Variants in FHIT observed in about 807,000 individuals in gnomAD.
FHIT encodes the protein bis(5'-adenosyl)-triphosphatase.
In FHIT, 19 loss-of-function variants were observed where a neutral mutation model predicts 17.9. The observed-to-expected ratio is 1.06, with a 90% CI of 0.74 to 1.56. The LOEUF (loss-of-function observed/expected upper bound fraction) is 1.56. FHIT is among the 40% of genes most tolerant of loss of function. The pLI is 0.00. For missense variants in FHIT, 248 were observed against 189.2 expected (o/e 1.31, Z -1.82); for synonymous variants, 81 against 69.7 (o/e 1.16, Z -0.81).
rs576881152 is a variant in FHIT, at chr3:60,226,572, A to G, written c.104-212420T>C. On this transcript the variant is annotated intron_variant, in intron 5 of 9. Coordinates refer to ENST00000492590, the MANE Select transcript of FHIT (RefSeq NM_002012.4). The stretch of plus-strand genomic sequence containing the variant: ...TAAGCCTTTACTGTTGCTGCACACA[A>G]TGATTGCAGGATTAAAGCACTTTGG... Among the ~76,000 whole-genome samples, 8 of 152,092 alleles carry G rather than the reference A, an allele frequency of 5.3e-5. No individual in the cohort carries two copies. The South Asian group carries it at 1.7e-3, about 32-fold the overall frequency.
intron 5 of FHIT, among the ~76,000 whole-genome samples, chr3:60,329,638 G>C (rs925660641): frequency 6.6e-6 from 1 of 152,274 alleles, no homozygotes. Flanking sequence ...GCCAAGCACC[G>C]TAAGACTCTA....
chr3:60,196,167 G>A (rs760112575), intron 5 of FHIT, among the ~76,000 whole-genome samples: 11 of 152,118 alleles, frequency 7.2e-5, no homozygotes, highest in African/African-American at 1.2e-4. Context: ...TTATCCTATC[G>A]TTTTGGAAGT....
At chr3:60,651,820 A>G (rs888711535) in intron 4 of FHIT, among the ~76,000 whole-genome samples, 30 of 152,234 alleles carry the variant, frequency 2.0e-4, no homozygotes, top group African/African-American at 7.2e-4. Flanking sequence ...CATGTGGCAT[A>G]TAAAAATCAC....
At chr3:60,406,796 G>A (rs1701878301) in intron 5 of FHIT, among the ~76,000 whole-genome samples, 1 of 152,242 alleles carries the variant, frequency 6.6e-6, no homozygotes, top group South Asian at 2.1e-4. Flanking sequence ...GTTGGCAACT[G>A]TTTAGTTCAG....
Position 61,036,907 on chromosome 3 carries a change from TTTTTTTGTTTGTTTG to T in FHIT, c.-111+5125_-111+5139del, listed in dbSNP as rs1394016027. ...TCAAAGATCAGTCTGCTTTGTTTTT[TTTTTTTGTTTGTTTG>T]TTTTTTTGAGATGGAGTCTCGCTCT... On this transcript the variant is annotated intron_variant, in intron 3 of 9. Transcript: ENST00000492590. 5.9e-3 allele frequency among the ~76,000 whole-genome samples: 793 copies of T among 135,346 alleles called. 43 individuals carry two copies. Among genetic ancestry groups the T allele is most frequent in the African/African-American group, 0.019 (699 of 36,506 alleles). 88.8% of individuals were successfully genotyped at this position (135,346 alleles called of 152,430 possible).
chr3:60,686,304 C>T lies in FHIT; in HGVS notation c.-18+135615G>A, dbSNP rs183623489. 3.9e-3 allele frequency among the ~76,000 whole-genome samples: 594 copies of T among 152,238 alleles called. 7 individuals are homozygous for T. The highest frequency in any genetic ancestry group is 0.014 in the African/African-American group (576 of 41,546). ...TGTGCCTCAGCATCTTGAACGTGTA[C>T]ATTTATCTCTCACCAATTTTGGGAA... On this transcript the variant is annotated intron_variant, in intron 4 of 9. Transcript: ENST00000492590.
At chr3:60,312,553 A>G (rs1217251934) in intron 5 of FHIT, among the ~76,000 whole-genome samples, 1 of 152,190 alleles carries the variant, frequency 6.6e-6, no homozygotes. Flanking sequence ...TGCAAAGTTT[A>G]GTGTGAAAAC....
chr3:60,330,413 C>T (rs951492952), intron 5 of FHIT, among the ~76,000 whole-genome samples: 1 of 152,114 alleles, frequency 6.6e-6, no homozygotes, highest in East Asian at 1.9e-4. Flanking sequence ...AGTCTTACTG[C>T]CACCGGTGGA....
intron 5 of FHIT, among the ~76,000 whole-genome samples, chr3:60,178,712 AG>A (rs1334603746): frequency 2.0e-5 from 3 of 152,166 alleles, no homozygotes; most frequent in African/African-American, 7.2e-5. Context: ...TTCGTCCATT[AG>A]CTCTTCCTCA....
chr3:60,777,508 C>G (rs1700247688), intron 4 of FHIT, among the ~76,000 whole-genome samples: 1 of 152,152 alleles, frequency 6.6e-6, no homozygotes, highest in Non-Finnish European at 1.5e-5. Context: ...AGATAGCAGA[C>G]TTAAGAGAGA....
chr3:60,659,696 T>A (rs2107821509), intron 4 of FHIT, among the ~76,000 whole-genome samples: 1 of 152,312 alleles, frequency 6.6e-6, no homozygotes, highest in South Asian at 2.1e-4. Context: ...TCCATATCTT[T>A]TAGTTTTTTG....
intron 4 of FHIT, among the ~76,000 whole-genome samples, chr3:60,545,019 A>C (rs1294352052): frequency 6.6e-6 from 1 of 152,148 alleles, no homozygotes; most frequent in Admixed American, 6.5e-5. Context: ...CTCTTTTGTC[A>C]AACTGTGTCT....
chr3:60,339,516 A>T (rs1271080156), intron 5 of FHIT, among the ~76,000 whole-genome samples: 1 of 152,122 alleles, frequency 6.6e-6, no homozygotes, highest in Non-Finnish European at 1.5e-5. Flanking sequence ...TTGGCTCTCA[A>T]CACCTCAAGT....
chr3:59,764,976 C>G (rs377461225), intron 8 of FHIT, among the ~76,000 whole-genome samples: 23 of 151,244 alleles, frequency 1.5e-4, no homozygotes, highest in East Asian at 1.2e-3. Context: ...TATTTTGAAG[C>G]CTCAGGCTAG....
intron 3 of FHIT, among the ~76,000 whole-genome samples, chr3:60,876,588 T>C (rs1182049564): frequency 6.6e-6 from 1 of 152,230 alleles, no homozygotes; most frequent in Non-Finnish European, 1.5e-5. Flanking sequence ...AAAATATTGA[T>C]GAATACATTT....
chr3:60,001,919 T>A (rs546332587), intron 7 of FHIT, among the ~76,000 whole-genome samples: 1 of 152,226 alleles, frequency 6.6e-6, no homozygotes, highest in East Asian at 1.9e-4. Flanking sequence ...TGGTGAGCTG[T>A]TTGTCAGGGC....
At chr3:60,674,135 G>C (rs1451542466) in intron 4 of FHIT, among the ~76,000 whole-genome samples, 2 of 151,862 alleles carry the variant, frequency 1.3e-5, no homozygotes, top group Non-Finnish European at 2.9e-5. Flanking sequence ...AATTTCTACT[G>C]ATCTGTCTTA....
At chr3:60,560,844 C>CACAGAGAGAG (rs139684970) in intron 4 of FHIT, among the ~76,000 whole-genome samples, 152 of 122,350 alleles carry the variant, frequency 1.2e-3, no homozygotes, top group Non-Finnish European at 1.9e-3. Context: ...CACACACACA[C>CACAGAGAGAG]AGAGAGAGAG....
At chr3:60,915,051 T>C (rs1706931135) in intron 3 of FHIT, among the ~76,000 whole-genome samples, 1 of 152,228 alleles carries the variant, frequency 6.6e-6, no homozygotes, top group Non-Finnish European at 1.5e-5. Context: ...TTCCGAACAC[T>C]TGTTTTTTTA....
Sources: gnomAD v4.1 joint callset for allele counts (sites outside exome capture counted in the v4.1 genomes callset) on GRCh38, gnomAD v4.1.1 for gene constraint, MANE v1.5 for transcripts, NCBI Gene and HGNC (gene_info 2026-07-23, HGNC 2026-07-21) for gene names.